SYT9: variants seen among roughly 807,000 people sequenced by gnomAD.
The protein encoded by SYT9 is synaptotagmin 9.
SYT9 carries 22 observed loss-of-function variants against 48.4 expected under a neutral mutation model. The ratio of observed to expected loss-of-function variants is 0.45; its 90% CI spans 0.32 to 0.65. SYT9 has a LOEUF of 0.65. Ranked by LOEUF, SYT9 falls within the 30% of genes least tolerant of loss-of-function variation. SYT9 has a pLI of 0.03. For missense variants in SYT9, 577 were observed against 622.0 expected (o/e 0.93, Z 0.77); for synonymous variants, 265 against 245.0 (o/e 1.08, Z -0.76).
chr11:7,354,490 A>G (rs796962207), intron 3 of SYT9, among the ~76,000 whole-genome samples: 46 of 152,280 alleles, frequency 3.0e-4, no homozygotes, highest in African/African-American at 1.1e-3. Flanking sequence ...GAGGTAGGGA[A>G]CATACACTGA....
At chr11:7,419,083 A>G (rs1371814816) in intron 5 of SYT9, among the ~76,000 whole-genome samples, 3 of 152,242 alleles carry the variant, frequency 2.0e-5, no homozygotes, top group Non-Finnish European at 4.4e-5. Context: ...TCAGCTGCCC[A>G]TGAGTGTGAC....
chr11:7,259,295 G>A (rs1031790700), intron 1 of SYT9, among the ~76,000 whole-genome samples: 10 of 151,868 alleles, frequency 6.6e-5, no homozygotes, highest in African/African-American at 1.7e-4. Context: ...TTATTAGTAC[G>A]TAATTATTAT....
At chr11:7,242,618 T>A (rs992726566) in intron 1 of SYT9, among the ~76,000 whole-genome samples, 2 of 152,242 alleles carry the variant, frequency 1.3e-5, no homozygotes, top group Non-Finnish European at 2.9e-5. Flanking sequence ...CCTCTAGGAT[T>A]CTAAATTCCA....
intron 3 of SYT9, among the ~76,000 whole-genome samples, chr11:7,384,464 A>G (rs1303389988): frequency 1.3e-5 from 2 of 152,160 alleles, no homozygotes; most frequent in Non-Finnish European, 2.9e-5. Context: ...CAGGCAAAAA[A>G]TTCTGGAATT....
chr11:7,317,099 T>G (rs1256393408), intron 3 of SYT9, among the ~76,000 whole-genome samples: 1 of 152,186 alleles, frequency 6.6e-6, no homozygotes, highest in African/African-American at 2.4e-5. Context: ...AGAGGTTATG[T>G]TTGGTGTAAT....
intron 3 of SYT9, among the ~76,000 whole-genome samples, chr11:7,408,400 T>G (rs529293516): frequency 7.9e-5 from 12 of 152,366 alleles, no homozygotes; most frequent in South Asian, 6.2e-4. Flanking sequence ...AGTGCTGGGA[T>G]TACAGGCGTG....
rs1286592333 is a variant in SYT9 at position 7,401,693 on chromosome 11, T to G, written c.1045-14349T>G. On this transcript the variant is annotated intron_variant, in intron 3 of 6. Transcript: ENST00000318881. ...TCATAAAATTATTCATAAAATTTCCTTATTATTTTAATGTCTATGGTATCT... is the reference window on the plus strand; with the variant it reads ...TCATAAAATTATTCATAAAATTTCCGTATTATTTTAATGTCTATGGTATCT... Among the ~76,000 whole-genome samples, 5 of 151,968 alleles carry G rather than the reference T, an allele frequency of 3.3e-5. 1 individual carries two copies. The highest frequency in any genetic ancestry group is 6.8e-3 in the Middle Eastern group (2 of 294).
chr11:7,266,696 T>A (rs1289334950), intron 1 of SYT9, among the ~76,000 whole-genome samples: 2 of 152,084 alleles, frequency 1.3e-5, no homozygotes, highest in Admixed American at 1.3e-4. Flanking sequence ...GAAGTTAAAT[T>A]GGGCAGAGTA....
chr11:7,379,151 C>T (rs1245922090), intron 3 of SYT9, among the ~76,000 whole-genome samples: 1 of 152,060 alleles, frequency 6.6e-6, no homozygotes, highest in Non-Finnish European at 1.5e-5. Context: ...TTTCTGTAGC[C>T]CTTTAACTTT....
At chr11:7,404,356 AT>A (rs1428926611) in intron 3 of SYT9, among the ~76,000 whole-genome samples, 2 of 152,072 alleles carry the variant, frequency 1.3e-5, no homozygotes, top group East Asian at 3.9e-4. Flanking sequence ...TTCTATCAAA[AT>A]TTGTCTCTTC....
intron 3 of SYT9, among the ~76,000 whole-genome samples, chr11:7,358,940 G>A (rs541631345): frequency 5.3e-5 from 8 of 152,020 alleles, no homozygotes; most frequent in Non-Finnish European, 1.0e-4. Context: ...ATGCTGGTGC[G>A]CTGCACCCAC....
chr11:7,285,433 C>A (rs1198693328), intron 1 of SYT9, among the ~76,000 whole-genome samples: 1 of 152,104 alleles, frequency 6.6e-6, no homozygotes, highest in African/African-American at 2.4e-5. Context: ...AGGTAACTGC[C>A]CCATAATTCA....
In SYT9 at chr11:7,252,068, T is replaced by C. The variant is rs994613347; in HGVS notation, c.-119T>C. 1.3e-5 allele frequency: 15 copies of C among 1,192,916 alleles called. No homozygotes were observed. In the South Asian group the frequency reaches 3.0e-4, roughly 24 times the overall value. 73.9% of individuals were successfully genotyped at this position (1,192,916 alleles called of 1,614,324 possible). On this transcript the variant is annotated 5_prime_UTR_variant, in exon 1 of 7. Transcript: ENST00000318881. This position sits in a 1 kb window ranked among gnomAD's most constrained non-coding sequence, Gnocchi z 6.3. Reference sequence around the variant, plus strand: ...GGCTCGGGCTCAGGCTCGCACCGTTTCTCGGCAGGTCCCTGGCGGTGAGCG... The same window carrying C: ...GGCTCGGGCTCAGGCTCGCACCGTTCCTCGGCAGGTCCCTGGCGGTGAGCG...
intron 1 of SYT9, among the ~76,000 whole-genome samples, chr11:7,253,827 G>A (rs1432393965): frequency 6.6e-6 from 1 of 152,140 alleles, no homozygotes; most frequent in Non-Finnish European, 1.5e-5. Context: ...GTCTTAAGTC[G>A]GGGAAGTTCG....
At chr11:7,341,933 AG>A (rs1044299639) in intron 3 of SYT9, among the ~76,000 whole-genome samples, 1 of 152,158 alleles carries the variant, frequency 6.6e-6, no homozygotes, top group Non-Finnish European at 1.5e-5. Context: ...GGAAGGCAAA[AG>A]GCATGGCTTT....
intron 1 of SYT9, among the ~76,000 whole-genome samples, chr11:7,258,694 A>G (rs1489939176): frequency 4.6e-5 from 7 of 152,104 alleles, no homozygotes. Flanking sequence ...ATTCATCTAT[A>G]AAATGGGAGT....
At chr11:7,379,124 A>G (rs75500844) in intron 3 of SYT9, among the ~76,000 whole-genome samples, 3,067 of 152,280 alleles carry the variant, frequency 0.02, 97 homozygotes, top group African/African-American at 0.07. Context: ...CTTAACATCA[A>G]ATTAAATGCT....
At chr11:7,449,005 C>T (rs961004878) in intron 6 of SYT9, among the ~76,000 whole-genome samples, 1 of 152,014 alleles carries the variant, frequency 6.6e-6, no homozygotes, top group African/African-American at 2.4e-5. Context: ...GGAGGAGAAG[C>T]CAAGACTCAG....
chr11:7,451,743 G>A (rs1412521098), intron 6 of SYT9, among the ~76,000 whole-genome samples: 1 of 152,200 alleles, frequency 6.6e-6, no homozygotes, highest in Non-Finnish European at 1.5e-5. Context: ...ATGTGGGGTT[G>A]TTGGCTGCTA....
Sources: gnomAD v4.1 joint callset for allele counts (sites outside exome capture counted in the v4.1 genomes callset) on GRCh38, gnomAD v4.1.1 for gene constraint, Gnocchi (gnomAD v3.1) non-coding constraint, MANE v1.5 for transcripts, NCBI Gene and HGNC (gene_info 2026-07-23, HGNC 2026-07-21) for gene names.